PSAT1: variants seen among roughly 807,000 people sequenced by gnomAD.
PSAT1 encodes the protein phosphoserine aminotransferase.
Under a neutral mutation model 40.3 loss-of-function variants are expected in PSAT1, and 41 were observed. The observed-to-expected ratio is 1.02, with a 90% CI of 0.79 to 1.32. The LOEUF (loss-of-function observed/expected upper bound fraction) is 1.32. PSAT1 is among the 40% of genes most tolerant of loss of function. PSAT1 has a pLI of 0.00. For missense variants in PSAT1, 406 were observed against 455.8 expected (o/e 0.89, Z 0.99); for synonymous variants, 147 against 170.5 (o/e 0.86, Z 1.07).
chr9:78,317,625 C>A, intron 6 of PSAT1, 51 bp from the exon 7 acceptor site: 1 of 1,599,184 alleles, frequency 6.3e-7, no homozygotes, highest in East Asian at 2.2e-5. Context: ...GAATATAGTT[C>A]TACTTTTGCA....
rs181506858 is a variant in PSAT1 at position 78,303,837 on chromosome 9, G to A, written c.192-898G>A. On this transcript the variant is annotated intron_variant, in intron 3 of 8. Coordinates refer to ENST00000376588, the MANE Select transcript of PSAT1 (RefSeq NM_058179.4). The stretch of plus-strand genomic sequence containing the variant: ...TCTGTTCCCTGGCCATCTGGCTTCC[G>A]TACACCTATTCCCAGGCTCTGACCT... Among the ~76,000 whole-genome samples, 4 of 152,168 alleles carry A rather than the reference G, an allele frequency of 2.6e-5. No individual in the cohort carries two copies. In the East Asian group the frequency reaches 5.8e-4, roughly 22 times the overall value.
chr9:78,326,953 A>ATTTTT (rs1397133333), intron 7 of PSAT1, among the ~76,000 whole-genome samples: 1 of 81,514 alleles, frequency 1.2e-5, no homozygotes, highest in African/African-American at 9.2e-5. Context: ...ATATATATAT[A>ATTTTT]TATTTTTTTT....
intron 7 of PSAT1, among the ~76,000 whole-genome samples, chr9:78,326,955 A>ATATATTTTTT: frequency 1.3e-4 from 10 of 75,936 alleles, no homozygotes; most frequent in African/African-American, 8.5e-4. Context: ...ATATATATAT[A>ATATATTTTTT]TTTTTTTTTT....
chr9:78,308,506 C>T lies in PSAT1; in HGVS notation c.663C>T (p.Leu221=). The change falls in exon 6 of 9, where the codon CTC becomes CTT. Residue 221 remains leucine, a synonymous_variant. Transcript: ENST00000376588. The stretch of plus-strand genomic sequence containing the variant: ...GTGATGACCTGCTGGGGTTTGCCCT[C>T]CGAGAGTGCCCCTCGGTCCTGGAAT... ...IVRDDLLGFA[L]RECPSVLEYK... 6.2e-7 allele frequency: 1 copy of T among 1,614,058 alleles called. No homozygotes were observed. The highest frequency in any genetic ancestry group is 2.2e-5 in the East Asian group (1 of 44,882).
intron 1 of PSAT1, among the ~76,000 whole-genome samples, chr9:78,297,504 C>G (rs1828043829): frequency 6.6e-6 from 1 of 152,244 alleles, no homozygotes; most frequent in African/African-American, 2.4e-5. Context: ...CTGGCCCTGA[C>G]TGCTGGTGCG....
intron 6 of PSAT1, among the ~76,000 whole-genome samples, chr9:78,314,702 A>G (rs1203129719): frequency 6.6e-6 from 1 of 152,126 alleles, no homozygotes; most frequent in African/African-American, 2.4e-5. Flanking sequence ...CCATTAAGAA[A>G]GCCAGAGATC....
intron 6 of PSAT1, among the ~76,000 whole-genome samples, chr9:78,315,739 C>T (rs1337936320): frequency 6.6e-6 from 1 of 152,232 alleles, no homozygotes; most frequent in Non-Finnish European, 1.5e-5. Context: ...GCATGAGCCA[C>T]TGCACCCAGG....
chr9:78,307,653 C>G (rs1828204493), intron 5 of PSAT1, among the ~76,000 whole-genome samples: 1 of 152,190 alleles, frequency 6.6e-6, no homozygotes, highest in Non-Finnish European at 1.5e-5. Context: ...AATTTCTTCT[C>G]CCTCAGGCAG....
At chr9:78,325,352 G>A (rs938981526) in intron 7 of PSAT1, among the ~76,000 whole-genome samples, 2 of 152,088 alleles carry the variant, frequency 1.3e-5, no homozygotes, top group Admixed American at 6.5e-5. Context: ...AACACAGACC[G>A]CATTTTGTTG....
chr9:78,317,924 G>A, intron 7 of PSAT1, 120 bp downstream of exon 7: 1 of 1,240,806 alleles, frequency 8.1e-7, no homozygotes, highest in South Asian at 1.2e-5. Flanking sequence ...ATACTGGTGA[G>A]TGTGTGTGGT....
Position 78,329,338 on chromosome 9 carries a change from G to A in PSAT1, c.*252G>A, listed in dbSNP as rs17064358. 35 of 482,304 alleles carry A rather than the reference G, an allele frequency of 7.3e-5. No homozygotes were observed. Among genetic ancestry groups the A allele is most frequent in the Middle Eastern group, 1.2e-3 (2 of 1,648 alleles). 29.9% of individuals were successfully genotyped at this position (482,304 alleles called of 1,614,324 possible). A position where few individuals can be genotyped will look rare whatever the true frequency, so the allele number is the denominator to read the frequency against. ...TGTTGCTTTTCTAACAAATTCCCGC[G>A]TATTTTGCCTTTGCTGCTACTTTTT... On this transcript the variant is annotated 3_prime_UTR_variant, in exon 9 of 9. Transcript: ENST00000376588.
rs1828036747 is a variant in PSAT1 at position 78,297,159 on chromosome 9, C to G, written c.-52C>G. 1 of 1,541,090 alleles carries G rather than the reference C, an allele frequency of 6.5e-7. No individual in the cohort carries two copies. Among genetic ancestry groups the G allele is most frequent in the South Asian group, 1.2e-5 (1 of 85,546 alleles). On this transcript the variant is annotated 5_prime_UTR_variant, in exon 1 of 9. Coordinates refer to ENST00000376588, the MANE Select transcript of PSAT1 (RefSeq NM_058179.4). Reference sequence around the variant, plus strand: ...CACCGCAGCGGCCAGGAACGCCAGCCGTTCACGCGTTCGGTCCTCCTTGGC... The same window carrying G: ...CACCGCAGCGGCCAGGAACGCCAGCGGTTCACGCGTTCGGTCCTCCTTGGC...
At chr9:78,317,288 T>A (rs1193570757) in intron 6 of PSAT1, among the ~76,000 whole-genome samples, 1 of 152,172 alleles carries the variant, frequency 6.6e-6, no homozygotes, top group Non-Finnish European at 1.5e-5. Flanking sequence ...GATCTCGCTC[T>A]GTCACCCAGG....
Position 78,329,174 on chromosome 9 carries a change from A to C in PSAT1, c.*88A>C. On this transcript the variant is annotated 3_prime_UTR_variant, in exon 9 of 9. Coordinates refer to ENST00000376588, the MANE Select transcript of PSAT1 (RefSeq NM_058179.4). ...GATGGCTACAAAAAGTTAACACAGT[A>C]TTTTTCTCAAATGAACATGTTTATT... 1.1e-6 allele frequency: 1 copy of C among 937,716 alleles called. No individual in the cohort carries two copies. The highest frequency in any genetic ancestry group is 1.7e-6 in the Non-Finnish European group (1 of 574,512). The allele number at this position is 937,716 out of a possible 1,614,324, so 58.1% of individuals were successfully genotyped here.
At chr9:78,319,088 A>G (rs1828391064) in intron 7 of PSAT1, among the ~76,000 whole-genome samples, 1 of 152,222 alleles carries the variant, frequency 6.6e-6, no homozygotes, top group Non-Finnish European at 1.5e-5. Context: ...GGTTCAGTCT[A>G]TAGTAACAAA....
chr9:78,306,930 G>A (rs1054377458), intron 5 of PSAT1, among the ~76,000 whole-genome samples: 3 of 152,310 alleles, frequency 2.0e-5, no homozygotes, highest in African/African-American at 4.8e-5. Flanking sequence ...TGGGACTGGC[G>A]CTGTAGGTAC....
chr9:78,318,719 T>C (rs551096911), intron 7 of PSAT1, among the ~76,000 whole-genome samples: 193 of 152,350 alleles, frequency 1.3e-3, no homozygotes, highest in African/African-American at 4.3e-3. Flanking sequence ...TAATCCAGGA[T>C]CATCTCATCT....
At chr9:78,321,608 G>T (rs1828430405) in intron 7 of PSAT1, among the ~76,000 whole-genome samples, 1 of 152,066 alleles carries the variant, frequency 6.6e-6, no homozygotes, top group Admixed American at 6.5e-5. Context: ...TTTGCTGGGG[G>T]TTTCACCAGC....
rs1254688718 is a variant in PSAT1 at position 78,306,459 on chromosome 9, C to T, written c.543C>T (p.Phe181=). 2 of 1,614,058 alleles carry T rather than the reference C, an allele frequency of 1.2e-6. No individual in the cohort carries two copies. The highest frequency in any genetic ancestry group is 1.7e-5 in the Admixed American group (1 of 60,000). The change falls in exon 5 of 9, where the codon TTC becomes TTT. Residue 181 remains phenylalanine, a synonymous_variant. Coordinates refer to ENST00000376588, the MANE Select transcript of PSAT1 (RefSeq NM_058179.4). ...TGGTTTGTGACATGTCCTCAAACTT[C>T]CTGTCCAAGCCAGTGGATGTTTCCA... The part of the protein sequence containing the change: ...AVLVCDMSSN[F]LSKPVDVSKF...
Sources: allele counts gnomAD v4.1 joint callset (sites outside exome capture counted in the v4.1 genomes callset), GRCh38; gene constraint gnomAD v4.1.1; transcripts MANE v1.5; gene names NCBI Gene and HGNC (gene_info 2026-07-23, HGNC 2026-07-21).